Variants in SLC26A2 observed in about 807,000 individuals in gnomAD.
SLC26A2 encodes solute carrier family 26 member 2.
Under a neutral mutation model 41.1 loss-of-function variants are expected in SLC26A2, and 36 were observed. That is an observed-to-expected ratio of 0.88 (90% CI 0.67 to 1.16). The LOEUF is 1.16. SLC26A2 is among the 50% of genes most tolerant of loss of function. The probability of loss-of-function intolerance (pLI) is 0.00; values close to 1 mark genes in which losing one functional copy is unlikely to be tolerated. For synonymous variants in SLC26A2, 291 were observed against 311.6 expected (o/e 0.93, Z 0.70); for missense variants, 796 against 869.6 (o/e 0.92, Z 1.07).
intron 1 of SLC26A2, among the ~76,000 whole-genome samples, chr5:149,965,170 G>A (rs1166001323): frequency 6.6e-6 from 1 of 152,144 alleles, no homozygotes; most frequent in Non-Finnish European, 1.5e-5. Flanking sequence ...GCTTGTTCAA[G>A]TCATGATTCC....
chr5:149,972,969 TA>T (rs1304534248), intron 1 of SLC26A2, among the ~76,000 whole-genome samples: 1 of 152,164 alleles, frequency 6.6e-6, no homozygotes. Context: ...GGTTTAAATG[TA>T]CATGTTTAAT....
chr5:149,971,155 A>G (rs930434204), intron 1 of SLC26A2, among the ~76,000 whole-genome samples: 1 of 152,164 alleles, frequency 6.6e-6, no homozygotes, highest in Non-Finnish European at 1.5e-5. Flanking sequence ...TTTTCCTCTC[A>G]CAGTATTAAC....
Position 149,985,870 on chromosome 5 carries a change from C to G in SLC26A2, c.*4057C>G, listed in dbSNP as rs1755190087. On this transcript the variant is annotated 3_prime_UTR_variant, in exon 3 of 3. Transcript: ENST00000286298. ...TGTAGCAACTCTCCCAGGGAACACA[C>G]TAGGGTACTTAGGGAGGTGCTTTGT... 6.6e-6 allele frequency: 1 copy of G among 152,240 alleles called. No homozygotes were observed. The highest frequency in any genetic ancestry group is 6.5e-5 in the Admixed American group (1 of 15,284). The allele number at this position is 152,240 out of a possible 1,614,324, so 9.4% of individuals were successfully genotyped here.
rs1293896869 is a variant in SLC26A2, at chr5:149,980,919, G to C, written c.1326G>C (p.Lys442Asn). Residue 442 changes from lysine (K) to asparagine (N), a missense_variant, in exon 3 of 3, where the codon AAG (lysine) becomes AAC (asparagine). Physicochemically the swap from Lys to Asn is moderately conservative, Grantham distance 94. Coordinates refer to ENST00000286298, the MANE Select transcript of SLC26A2 (RefSeq NM_000112.4). The part of the protein sequence containing the change: ...HCFTTSAALA[K>N]TLVKESTGCH... ...TTACTACTAGTGCAGCTCTTGCAAA[G>C]ACATTGGTTAAAGAATCAACAGGCT... is the stretch of plus-strand genomic sequence containing the variant. The C allele has an allele frequency of 6.2e-7, 1 of 1,614,008 alleles. No homozygotes were observed. Among genetic ancestry groups the C allele is most frequent in the South Asian group, 1.1e-5 (1 of 91,086 alleles).
intron 2 of SLC26A2, 151 bp downstream of exon 2, chr5:149,978,502 C>T: frequency 1.4e-6 from 1 of 734,962 alleles, no homozygotes; most frequent in South Asian, 1.6e-5. Context: ...AAATTCAAAC[C>T]CTAACCTGAC....
rs745808884 is a variant in SLC26A2 at position 149,977,963 on chromosome 5, TA to T, written c.314del (p.Lys105ArgfsTer5). 2 of 1,614,198 alleles carry T rather than the reference TA, an allele frequency of 1.2e-6. No individual in the cohort carries two copies. Among genetic ancestry groups the T allele is most frequent in the South Asian group, 2.2e-5 (2 of 91,086 alleles). The part of the protein sequence containing the change: ...PVLQWLPKYD[L>X]KKNILGDVMS... ...TTGCAGTGGCTCCCAAAATACGACC[TA>T]AAGAAAAACATTTTAGGGGATGTGA... On this transcript the variant is annotated frameshift_variant, in exon 2 of 3. Coordinates refer to ENST00000286298, the MANE Select transcript of SLC26A2 (RefSeq NM_000112.4). LOFTEE classifies it high-confidence loss of function.
intron 1 of SLC26A2, among the ~76,000 whole-genome samples, chr5:149,973,816 A>T (rs1754945142): frequency 1.3e-5 from 2 of 151,726 alleles, no homozygotes; most frequent in African/African-American, 2.4e-5. Context: ...CTTTTAAAAT[A>T]TTTTTTCTAG....
intron 1 of SLC26A2, among the ~76,000 whole-genome samples, chr5:149,969,732 C>T (rs1226277352): frequency 6.6e-6 from 1 of 152,230 alleles, no homozygotes; most frequent in Non-Finnish European, 1.5e-5. Context: ...CCAGCCTTAT[C>T]TCCTACAACT....
rs1364454145 is a variant in SLC26A2 at position 149,981,198 on chromosome 5, T to C, written c.1605T>C (p.Val535=). The C allele has an allele frequency of 6.2e-7, 1 of 1,614,054 alleles. No individual in the cohort carries two copies. Among genetic ancestry groups the C allele is most frequent in the Non-Finnish European group, 8.5e-7 (1 of 1,180,022 alleles). The change falls in exon 3 of 3, where the codon GTT becomes GTC. Residue 535 remains valine (V), a synonymous_variant. Transcript: ENST00000286298. ...LSTEIGLLVG[V]CFSIFCVILR... ...CTGAAATAGGCCTACTTGTTGGGGT[T>C]TGTTTTTCTATATTTTGTGTCATCC...
chr5:149,969,406 C>T (rs1359659185), intron 1 of SLC26A2, among the ~76,000 whole-genome samples: 1 of 152,158 alleles, frequency 6.6e-6, no homozygotes, highest in Non-Finnish European at 1.5e-5. Context: ...TTCTAATTGC[C>T]TGCTGGACAC....
At chr5:149,978,446 A>T in intron 2 of SLC26A2, 95 bp downstream of exon 2, 1 of 1,080,760 alleles carries the variant, frequency 9.3e-7, no homozygotes, top group South Asian at 1.3e-5. Flanking sequence ...ACAATAATTA[A>T]AGGTATCATT....
intron 1 of SLC26A2, chr5:149,962,015 A>G (rs1754719697): frequency 6.6e-6 from 1 of 152,232 alleles, no homozygotes; most frequent in Non-Finnish European, 1.5e-5. Context: ...TGCTGAGTAC[A>G]GTGAAGTTTT....
chr5:149,972,625 T>C (rs1412306877), intron 1 of SLC26A2, among the ~76,000 whole-genome samples: 2 of 152,252 alleles, frequency 1.3e-5, no homozygotes, highest in African/African-American at 4.8e-5. Context: ...ATAAGCTGAA[T>C]AAATTACTAA....
At chr5:149,964,767 ACT>A (rs1289469626) in intron 1 of SLC26A2, among the ~76,000 whole-genome samples, 2 of 151,976 alleles carry the variant, frequency 1.3e-5, no homozygotes, top group African/African-American at 2.4e-5. Flanking sequence ...ACAGAGTGAG[ACT>A]CTGTCTCAAA....
chr5:149,977,314 A>G (rs1404858259), intron 1 of SLC26A2, among the ~76,000 whole-genome samples: 1 of 152,174 alleles, frequency 6.6e-6, no homozygotes, highest in Admixed American at 6.5e-5. Context: ...GGCTGCCCTT[A>G]CATCTTTTCA....
chr5:149,965,069 G>T (rs1235231234), intron 1 of SLC26A2, among the ~76,000 whole-genome samples: 1 of 152,182 alleles, frequency 6.6e-6, no homozygotes, highest in Non-Finnish European at 1.5e-5. Context: ...GTATGGAAGT[G>T]TTCCATGTAT....
At chr5:149,977,485 C>T (rs1755012532) in intron 1 of SLC26A2, 143 bp from the exon 2 acceptor site, 7 of 645,126 alleles carry the variant, frequency 1.1e-5, no homozygotes, top group South Asian at 1.8e-5. Context: ...ACAAATGAGG[C>T]TCAATTAAGG....
intron 1 of SLC26A2, among the ~76,000 whole-genome samples, chr5:149,971,472 T>C (rs1754903948): frequency 6.6e-6 from 1 of 152,208 alleles, no homozygotes. Context: ...TGATCTCAGC[T>C]CACTTCAGCC....
At position 149,980,678 on chromosome 5, in the gene SLC26A2, G is replaced by GACAT; in HGVS notation, c.1087_1090dup (p.Ile364ThrfsTer19). On this transcript the variant is annotated frameshift_variant, in exon 3 of 3. Coordinates refer to ENST00000286298, the MANE Select transcript of SLC26A2 (RefSeq NM_000112.4). LOFTEE classifies it high-confidence loss of function. ...GAAAATTATAATTCTAGTATTGCTG[G>GACAT]ACATATTCCCACTGGGTTTATGCCA... 1 of 1,613,998 alleles carries GACAT rather than the reference G, an allele frequency of 6.2e-7. No homozygotes were observed. The highest frequency in any genetic ancestry group is 8.5e-7 in the Non-Finnish European group (1 of 1,179,974).
Sources: gnomAD v4.1 joint callset for allele counts (sites outside exome capture counted in the v4.1 genomes callset) on GRCh38, gnomAD v4.1.1 for gene constraint, MANE v1.5 for transcripts, NCBI Gene and HGNC (gene_info 2026-07-23, HGNC 2026-07-21) for gene names.